PCDHGB2: variants seen among roughly 807,000 people sequenced by gnomAD.
The protein encoded by PCDHGB2 is protocadherin gamma subfamily B, 2, also known as protocadherin gamma-B2.
Under a neutral mutation model 59.3 loss-of-function variants are expected in PCDHGB2, and 55 were observed. That is an observed-to-expected ratio of 0.93 (90% confidence interval 0.75 to 1.16). The LOEUF (loss-of-function observed/expected upper bound fraction) is 1.16, where lower values mean the gene tolerates loss of function less well. Among genes scored for constraint, PCDHGB2 ranks in the 50% most tolerant of loss-of-function variants. PCDHGB2 has a pLI of 0.00. For synonymous variants in PCDHGB2, 516 were observed against 512.0 expected (o/e 1.01, Z -0.11); for missense variants, 1,228 against 1,198.5 (o/e 1.02, Z -0.36).
chr5:141,390,297 G>C, intron 1 of PCDHGB2: 2 of 1,613,826 alleles, frequency 1.2e-6, no homozygotes, highest in Non-Finnish European at 1.7e-6. Context: ...TTTCCTTTAA[G>C]TATAATTTAA....
chr5:141,474,986 A>G (rs1328341214), intron 1 of PCDHGB2, among the ~76,000 whole-genome samples: 1 of 152,238 alleles, frequency 6.6e-6, no homozygotes, highest in Non-Finnish European at 1.5e-5. Context: ...GTTTGGTGAC[A>G]ACAATTCTAA....
chr5:141,360,607 CT>C lies in PCDHGB2; in HGVS notation c.473del (p.Leu158ArgfsTer37). ...PGTTFPLDPA[L>X]DSDVGPNSLQ... The stretch of plus-strand genomic sequence containing the variant: ...TACAACATTTCCACTTGACCCAGCC[CT>C]GGATTCAGATGTTGGTCCTAACTCA... On this transcript the variant is annotated frameshift_variant, in exon 1 of 4. Transcript: ENST00000522605. LOFTEE classifies it high-confidence loss of function. 6.2e-7 allele frequency: 1 copy of C among 1,614,018 alleles called. No homozygotes were observed. The highest frequency in any genetic ancestry group is 1.7e-4 in the Middle Eastern group (1 of 6,060).
Position 141,431,021 on chromosome 5 carries a change from G to A in PCDHGB2, c.2422-63786G>A. On this transcript the variant is annotated intron_variant, in intron 1 of 3. Coordinates refer to ENST00000522605, the MANE Select transcript of PCDHGB2 (RefSeq NM_018923.3). This position sits in a 1 kb window ranked among gnomAD's most constrained non-coding sequence, Gnocchi z 4.8. ...GCGCAGCGGCAGCTTGGTCACGGCG[G>A]GCAGGATAGACCGGGAGGAGCTCTG... is the stretch of plus-strand genomic sequence containing the variant. 1 of 1,613,940 alleles carries A rather than the reference G, an allele frequency of 6.2e-7. No individual in the cohort carries two copies. Among genetic ancestry groups the A allele is most frequent in the Non-Finnish European group, 8.5e-7 (1 of 1,179,936 alleles).
intron 1 of PCDHGB2, chr5:141,389,822 C>T (rs1253797821): frequency 1.2e-6 from 2 of 1,613,932 alleles, no homozygotes; most frequent in Non-Finnish European, 1.7e-6. Flanking sequence ...CCGTGCGTGA[C>T]GGTGGACAGC....
chr5:141,472,980 C>CAAAAAAAAAAAAAAAAAAGAAAAAAA (rs60579131), intron 1 of PCDHGB2, among the ~76,000 whole-genome samples: 1 of 86,106 alleles, frequency 1.2e-5, no homozygotes, highest in South Asian at 4.3e-4. Flanking sequence ...GAGTGAAACT[C>CAAAAAAAAAAAAAAAAAAGAAAAAAA]AAAAAAAAAA....
chr5:141,362,084 G>T lies in PCDHGB2; in HGVS notation c.1949G>T (p.Gly650Val), dbSNP rs373978037. 6.6e-5 allele frequency: 107 copies of T among 1,613,188 alleles called. No homozygotes were observed. In the African/African-American group the frequency reaches 1.3e-3, roughly 20 times the overall value. The stretch of plus-strand genomic sequence containing the variant: ...CTGCTGGTCGCTGTGCGTGATGGAG[G>T]ACAGCCGCCACTCTCCGCTACGGCC... Reference protein sequence around the residue: ...QRLLVAVRDGGQPPLSATATL... With the variant: ...QRLLVAVRDGVQPPLSATATL... Residue 650 changes from glycine to valine, a missense_variant, in exon 1 of 4, where the codon GGA (glycine) becomes GTA (valine). Gly to Val is a moderately radical substitution (Grantham distance 109, BLOSUM62 -3). Coordinates refer to ENST00000522605, the MANE Select transcript of PCDHGB2 (RefSeq NM_018923.3).
chr5:141,440,818 C>T (rs906112291), intron 1 of PCDHGB2: 2 of 152,124 alleles, frequency 1.3e-5, no homozygotes, highest in Non-Finnish European at 2.9e-5. Flanking sequence ...TCACTCAACT[C>T]CTGATCCTAT....
chr5:141,390,176 C>T lies in PCDHGB2; in HGVS notation c.2421+27620C>T, dbSNP rs763410454. The T allele has an allele frequency of 5.6e-6, 9 of 1,614,000 alleles. No individual in the cohort carries two copies. In the East Asian group the frequency reaches 1.1e-4, roughly 20 times the overall value. ...ATACAGGAAAGACGGAGTTTAATTT[C>T]CTAAAATGTAGTGAGCAGTTGAGTT... On this transcript the variant is annotated intron_variant, in intron 1 of 3. Transcript: ENST00000522605.
intron 1 of PCDHGB2, chr5:141,468,682 C>A (rs377685711): frequency 4.6e-5 from 7 of 151,296 alleles, no homozygotes; most frequent in African/African-American, 1.7e-4. Context: ...CTGGCTAACA[C>A]GGTGAAACCC....
rs1219684339 is a variant in PCDHGB2, at chr5:141,506,444, CAAAAAAAAAAA to C, written c.2569+974_2569+984del. Among the ~76,000 whole-genome samples, 33 of 95,024 alleles carry C rather than the reference CAAAAAAAAAAA, an allele frequency of 3.5e-4. No individual in the cohort carries two copies. The East Asian group carries it at 0.011, about 31-fold the overall frequency. The allele number at this position is 95,024 out of a possible 152,430, so 62.3% of individuals were successfully genotyped here. On this transcript the variant is annotated intron_variant, in intron 3 of 3. Coordinates refer to ENST00000522605, the MANE Select transcript of PCDHGB2 (RefSeq NM_018923.3). ...CCTGGGCAACAGTCTCGCTCTGTCTCAAAAAAAAAAAAAAAAAAAAAGAGCACAGGCTTTAG... is the reference window on the plus strand; with the variant it reads ...CCTGGGCAACAGTCTCGCTCTGTCTCAAAAAAAAAAGAGCACAGGCTTTAG...
intron 1 of PCDHGB2, among the ~76,000 whole-genome samples, chr5:141,466,506 G>A (rs1417729031): frequency 6.6e-6 from 1 of 152,156 alleles, no homozygotes; most frequent in Non-Finnish European, 1.5e-5. Context: ...GCACAGACAA[G>A]ATCATTTTTT....
At chr5:141,406,072 CTTT>C (rs530474569) in intron 1 of PCDHGB2, among the ~76,000 whole-genome samples, 2 of 141,478 alleles carry the variant, frequency 1.4e-5, no homozygotes. Context: ...ATTCTTACTC[CTTT>C]TTTTTTTTTT....
chr5:141,428,794 T>C (rs2097161574), intron 1 of PCDHGB2: 1 of 152,852 alleles, frequency 6.5e-6, no homozygotes, highest in African/African-American at 2.4e-5. Context: ...CCTTTCTGTG[T>C]GGGCCAGTAA....
At chr5:141,414,882 C>T (rs759814512) in intron 1 of PCDHGB2, 7 of 1,614,104 alleles carry the variant, frequency 4.3e-6, no homozygotes, top group East Asian at 4.5e-5. Context: ...TCCTGTACCC[C>T]GCCCTCCCCA....
intron 1 of PCDHGB2, chr5:141,383,154 C>T (rs749274128): frequency 1.2e-6 from 2 of 1,613,994 alleles, no homozygotes; most frequent in Non-Finnish European, 1.7e-6. Context: ...GCAGCTTGGT[C>T]ACTGCGGGCA....
intron 1 of PCDHGB2, among the ~76,000 whole-genome samples, chr5:141,380,688 T>C (rs1176696155): frequency 6.6e-6 from 1 of 152,260 alleles, no homozygotes; most frequent in Non-Finnish European, 1.5e-5. Flanking sequence ...TGCTTTGTGT[T>C]CGGAGTAGTC....
At chr5:141,483,076 C>A (rs964178941) in intron 1 of PCDHGB2, among the ~76,000 whole-genome samples, 8 of 152,044 alleles carry the variant, frequency 5.3e-5, no homozygotes, top group Non-Finnish European at 8.8e-5. Context: ...CAGAGAGAGA[C>A]TCCATCTCAA....
chr5:141,408,053 TC>T, intron 1 of PCDHGB2: 1 of 1,288,090 alleles, frequency 7.8e-7, no homozygotes, highest in South Asian at 1.6e-5. Context: ...ACACAGAGCC[TC>T]CCGGCTGCGC....
At chr5:141,437,761 C>T (rs1200327020) in intron 1 of PCDHGB2, among the ~76,000 whole-genome samples, 1 of 144,680 alleles carries the variant, frequency 6.9e-6, no homozygotes, top group African/African-American at 2.6e-5. Context: ...TTTTTTGAGA[C>T]AGAGTCTCAA....
Sources: allele counts gnomAD v4.1 joint callset (sites outside exome capture counted in the v4.1 genomes callset), GRCh38; gene constraint gnomAD v4.1.1; non-coding constraint Gnocchi (gnomAD v3.1); transcripts MANE v1.5; gene names NCBI Gene and HGNC (gene_info 2026-07-23, HGNC 2026-07-21).